The following PHF14 variants were observed in gnomAD, a reference collection of about 807,000 sequenced individuals.
The protein encoded by PHF14 is PHD finger protein 14.
A neutral mutation model predicts 117.9 loss-of-function variants in PHF14; 55 were observed. The observed-to-expected ratio is 0.47, with a 90% CI of 0.38 to 0.58. The LOEUF is 0.58. Ranked by LOEUF, PHF14 falls within the 20% of genes least tolerant of loss-of-function variation. PHF14 has a pLI of 0.00. For missense variants in PHF14, 978 were observed against 1,122.2 expected (o/e 0.87, Z 1.84); for synonymous variants, 409 against 368.6 (o/e 1.11, Z -1.26).
intron 17 of PHF14, among the ~76,000 whole-genome samples, chr7:11,156,386 A>G (rs560323411): frequency 5.3e-5 from 8 of 152,350 alleles, no homozygotes; most frequent in East Asian, 1.9e-4. Context: ...CTAATGAGCT[A>G]TTACGTTCCA....
intron 17 of PHF14, among the ~76,000 whole-genome samples, chr7:11,140,670 A>T (rs1055605083): frequency 5.3e-5 from 8 of 152,138 alleles, no homozygotes; most frequent in African/African-American, 1.9e-4. Context: ...ATATTTAAAG[A>T]GACTACCATT....
chr7:11,128,935 T>A (rs1236132192), intron 17 of PHF14, among the ~76,000 whole-genome samples: 3 of 152,080 alleles, frequency 2.0e-5, no homozygotes, highest in African/African-American at 7.2e-5. Context: ...TTTGCTAGGC[T>A]GTTCATTTGA....
At chr7:11,091,751 C>G (rs1214966161) in intron 16 of PHF14, among the ~76,000 whole-genome samples, 1 of 152,062 alleles carries the variant, frequency 6.6e-6, no homozygotes, top group Non-Finnish European at 1.5e-5. Context: ...GAGCGAGACC[C>G]TTTCTCAAAA....
At chr7:11,006,029 T>C (rs1257809512) in intron 4 of PHF14, among the ~76,000 whole-genome samples, 2 of 152,146 alleles carry the variant, frequency 1.3e-5, no homozygotes, top group East Asian at 3.9e-4. Flanking sequence ...CCAGACCTCA[T>C]GATCTGCCCA....
intron 3 of PHF14, among the ~76,000 whole-genome samples, chr7:10,988,534 G>GTT (rs34658159): frequency 0.16 from 19,402 of 118,088 alleles, 2,011 homozygotes; most frequent in African/African-American, 0.25. Context: ...TTTCTAGTCT[G>GTT]TTTTTTTTTT....
chr7:11,122,695 C>A (rs113039741), intron 17 of PHF14, among the ~76,000 whole-genome samples: 1 of 151,868 alleles, frequency 6.6e-6, no homozygotes, highest in Non-Finnish European at 1.5e-5. Context: ...GTTGTTAACA[C>A]GTTTCTCCTT....
intron 16 of PHF14, chr7:11,103,577 A>G: frequency 1.0e-6 from 1 of 984,588 alleles, no homozygotes; most frequent in African/African-American, 1.7e-5. Flanking sequence ...CTTTGCTGAA[A>G]TTGAATTGCA....
intron 4 of PHF14, among the ~76,000 whole-genome samples, chr7:10,992,881 C>T (rs1259431946): frequency 6.6e-6 from 1 of 152,136 alleles, no homozygotes; most frequent in Non-Finnish European, 1.5e-5. Context: ...TAATGTAGAA[C>T]AGTCCTTGAG....
chr7:11,026,986 TC>T (rs1250869214), intron 6 of PHF14, among the ~76,000 whole-genome samples: 2 of 152,302 alleles, frequency 1.3e-5, no homozygotes, highest in Admixed American at 6.5e-5. Context: ...AATTATGTTC[TC>T]CTGTGTTCTC....
intron 4 of PHF14, among the ~76,000 whole-genome samples, chr7:11,007,551 T>C (rs1408658512): frequency 1.3e-5 from 2 of 152,308 alleles, no homozygotes; most frequent in Non-Finnish European, 2.9e-5. Context: ...TGTTTTTAAA[T>C]ATGGTTGCTT....
intron 16 of PHF14, among the ~76,000 whole-genome samples, chr7:11,097,620 T>C (rs113153617): frequency 0.012 from 1,859 of 152,324 alleles, 28 homozygotes; most frequent in African/African-American, 0.043. Flanking sequence ...TATGCAGCTA[T>C]TGTTTGAATA....
intron 12 of PHF14, among the ~76,000 whole-genome samples, chr7:11,041,952 C>T (rs1464202328): frequency 2.0e-5 from 3 of 150,466 alleles, no homozygotes; most frequent in Admixed American, 6.6e-5. Context: ...TATAAATATA[C>T]TTTAGATTTT....
chr7:11,144,469 A>G (rs1161388546), intron 17 of PHF14, among the ~76,000 whole-genome samples: 1 of 151,292 alleles, frequency 6.6e-6, no homozygotes, highest in Non-Finnish European at 1.5e-5. Flanking sequence ...CCTATACCCC[A>G]TGTTTATTGC....
chr7:11,144,739 G>C (rs1401168994), intron 17 of PHF14, among the ~76,000 whole-genome samples: 1 of 151,694 alleles, frequency 6.6e-6, no homozygotes, highest in Admixed American at 6.6e-5. Flanking sequence ...TAACACAAAT[G>C]ATAAATGTTT....
intron 16 of PHF14, among the ~76,000 whole-genome samples, chr7:11,089,761 CTTTTTTTTTTTTTTT>C (rs71023888): frequency 2.0e-5 from 2 of 97,894 alleles, no homozygotes; most frequent in Admixed American, 2.2e-4. Context: ...TTCATGCATT[CTTTTTTTTTTTTTTT>C]TTTTTTTTTT....
At chr7:11,049,999 T>C (rs1784800507) in intron 13 of PHF14, among the ~76,000 whole-genome samples, 2 of 152,200 alleles carry the variant, frequency 1.3e-5, no homozygotes, top group South Asian at 4.1e-4. Flanking sequence ...GCTCAAAGTT[T>C]TGCTAACCTA....
chr7:11,031,271 A>G (rs760917761), intron 7 of PHF14, among the ~76,000 whole-genome samples: 14 of 151,828 alleles, frequency 9.2e-5, no homozygotes, highest in Non-Finnish European at 1.8e-4. Context: ...ATTTTTTATG[A>G]CTTTGTATAG....
chr7:10,978,264 ATAAG>A (rs1781936889), intron 2 of PHF14, among the ~76,000 whole-genome samples: 1 of 152,226 alleles, frequency 6.6e-6, no homozygotes, highest in Non-Finnish European at 1.5e-5. Flanking sequence ...TAATATTAGA[ATAAG>A]TAAGTAAAAT....
At chr7:11,153,904 A>G (rs1788770574) in intron 17 of PHF14, among the ~76,000 whole-genome samples, 1 of 151,678 alleles carries the variant, frequency 6.6e-6, no homozygotes, top group African/African-American at 2.4e-5. Context: ...TCACATTATA[A>G]TACATAGAGG....
Sources: gnomAD v4.1 joint callset for allele counts (sites outside exome capture counted in the v4.1 genomes callset) on GRCh38, gnomAD v4.1.1 for gene constraint, MANE v1.5 for transcripts, NCBI Gene and HGNC (gene_info 2026-07-23, HGNC 2026-07-21) for gene names.